The following TGDS variants were observed in gnomAD, a reference collection of about 807,000 sequenced individuals.
The protein encoded by TGDS is UDP-D-glucose 4,6-dehydratase.
Under a neutral mutation model 52.3 loss-of-function variants are expected in TGDS, and 47 were observed. The ratio of observed to expected loss-of-function variants is 0.90; its 90% CI spans 0.71 to 1.15. The LOEUF (loss-of-function observed/expected upper bound fraction) is 1.15. Among genes scored for constraint, TGDS ranks in the 50% most tolerant of loss-of-function variants. The pLI is 0.00. For synonymous variants in TGDS, 115 were observed against 136.9 expected (o/e 0.84, Z 1.12); for missense variants, 375 against 418.4 (o/e 0.90, Z 0.90).
At position 94,595,943 on chromosome 13, in the gene TGDS, A is replaced by G. The variant is rs529131252; in HGVS notation, c.86+108T>C. 2.6e-5 allele frequency: 33 copies of G among 1,267,314 alleles called. No individual in the cohort carries two copies. In the Middle Eastern group the frequency reaches 9.2e-4, roughly 35 times the overall value. 78.5% of individuals were successfully genotyped at this position (1,267,314 alleles called of 1,614,324 possible). On this transcript the variant is annotated intron_variant, in intron 1 of 11. Coordinates refer to ENST00000261296, the MANE Select transcript of TGDS (RefSeq NM_014305.4). ...GCATTAGGACCCTCCCCATATCAGA[A>G]TAAGGACCCCTCAAAGCTGGACCCA...
At position 94,583,042 on chromosome 13, in the gene TGDS, C is replaced by T. The variant is rs371479750; in HGVS notation, c.456+52G>A. 4.9e-5 allele frequency: 78 copies of T among 1,580,620 alleles called. No homozygotes were observed. In the East Asian group the frequency reaches 1.0e-3, roughly 20 times the overall value. ...AAAGCCCAGTGTAGGTTTAATAAAA[C>T]TGTATCATGGTACATGGTTAAGTAG... On this transcript the variant is annotated intron_variant, in intron 5 of 11. Transcript: ENST00000261296.
At chr13:94,594,619 A>C (rs1471117532) in intron 1 of TGDS, among the ~76,000 whole-genome samples, 2 of 152,158 alleles carry the variant, frequency 1.3e-5, no homozygotes, top group Non-Finnish European at 2.9e-5. Flanking sequence ...ATGAACTTGA[A>C]GTTTGTATTC....
intron 4 of TGDS, among the ~76,000 whole-genome samples, chr13:94,588,814 G>A (rs968126147): frequency 7.9e-5 from 12 of 152,122 alleles, no homozygotes; most frequent in Non-Finnish European, 1.5e-4. Context: ...AATATAGTGC[G>A]TAATCAGACA....
Position 94,576,296 on chromosome 13 carries a change from G to T in TGDS, c.982+18C>A. On this transcript the variant is annotated intron_variant, in intron 11 of 11. Transcript: ENST00000261296. ...AATTTTTCTGACTTGCCCCCAAAAT[G>T]ATTAATTCAAAACATACTTGTTTTC... 3 of 1,539,362 alleles carry T rather than the reference G, an allele frequency of 1.9e-6. No individual in the cohort carries two copies. The highest frequency in any genetic ancestry group is 2.5e-5 in the South Asian group (2 of 80,970).
At position 94,596,005 on chromosome 13, in the gene TGDS, G is replaced by A. The variant is rs776582106; in HGVS notation, c.86+46C>T. The A allele has an allele frequency of 3.7e-6, 6 of 1,608,764 alleles. No homozygotes were observed. In the East Asian group the frequency reaches 8.9e-5, roughly 24 times the overall value. On this transcript the variant is annotated intron_variant, in intron 1 of 11. Transcript: ENST00000261296. Reference sequence around the variant, plus strand: ...GCAAGCAGAGCTGCGGGAAAAGGTAGGGGTTTCTGGGGAGCCACTGCTTGG... The same window carrying A: ...GCAAGCAGAGCTGCGGGAAAAGGTAAGGGTTTCTGGGGAGCCACTGCTTGG...
At chr13:94,585,616 G>A (rs1012142743) in intron 4 of TGDS, among the ~76,000 whole-genome samples, 1 of 151,904 alleles carries the variant, frequency 6.6e-6, no homozygotes, top group Non-Finnish European at 1.5e-5. Flanking sequence ...TGGCCAACAT[G>A]GCAAAACCCC....
intron 5 of TGDS, 124 bp downstream of exon 5, chr13:94,582,970 A>C: frequency 1.0e-6 from 1 of 991,990 alleles, no homozygotes; most frequent in East Asian, 2.4e-5. Flanking sequence ...AGAGAACCCT[A>C]ATACACTCTG....
In TGDS at chr13:94,586,190, T is replaced by G. The variant is rs918606444; in HGVS notation, c.314-2954A>C. Among the ~76,000 whole-genome samples, 5 of 151,972 alleles carry G rather than the reference T, an allele frequency of 3.3e-5. No homozygotes were observed. In the East Asian group the frequency reaches 9.7e-4, roughly 29 times the overall value. On this transcript the variant is annotated intron_variant, in intron 4 of 11. Transcript: ENST00000261296. ...AATAAATCCAAATACAGCAACAAAC[T>G]AAACACTGAGGGCAAATGCCGAGGA...
At chr13:94,577,734 T>A (rs1461417930) in intron 9 of TGDS, among the ~76,000 whole-genome samples, 1 of 152,220 alleles carries the variant, frequency 6.6e-6, no homozygotes, top group Non-Finnish European at 1.5e-5. Flanking sequence ...ATATCACTGT[T>A]ACTTGTTTTA....
At chr13:94,588,859 C>T (rs1387880269) in intron 4 of TGDS, among the ~76,000 whole-genome samples, 2 of 151,976 alleles carry the variant, frequency 1.3e-5, no homozygotes, top group Non-Finnish European at 2.9e-5. Flanking sequence ...GACAGAGATA[C>T]AAAAATAAAC....
intron 1 of TGDS, chr13:94,595,831 C>T (rs533670504): frequency 6.6e-6 from 4 of 602,588 alleles, no homozygotes; most frequent in East Asian, 5.6e-5. Context: ...GAGAGTAACG[C>T]AGCTTTGGAA....
At chr13:94,584,328 T>C (rs1477337109) in intron 4 of TGDS, among the ~76,000 whole-genome samples, 1 of 152,188 alleles carries the variant, frequency 6.6e-6, no homozygotes, top group African/African-American at 2.4e-5. Flanking sequence ...CCTAATCCGA[T>C]CTACCTGGTG....
At chr13:94,592,202 C>T (rs767560452) in intron 3 of TGDS, 39 bp downstream of exon 3, 27 of 1,484,634 alleles carry the variant, frequency 1.8e-5, no homozygotes, top group Admixed American at 1.4e-4. Flanking sequence ...CTCTGCATGA[C>T]TAAAGAGGCA....
At chr13:94,592,457 A>G in intron 2 of TGDS, 148 bp from the exon 3 acceptor site, 2 of 620,800 alleles carry the variant, frequency 3.2e-6, no homozygotes, top group Non-Finnish European at 5.3e-6. Context: ...CTGTCTTTAC[A>G]CTACTTTTTT....
intron 10 of TGDS, 92 bp downstream of exon 10, chr13:94,577,279 A>C: frequency 1.1e-6 from 1 of 936,000 alleles, no homozygotes; most frequent in Non-Finnish European, 1.5e-6. Flanking sequence ...CAAAACAGAT[A>C]AACTAGTTAT....
chr13:94,596,048 T>C lies in TGDS; in HGVS notation c.86+3A>G, dbSNP rs1257509685. ...CTGCTTGGCTAGCGGCGCCATTACC[T>C]ACATGAAACCAGCACCGCCGGTCAC... On this transcript the variant is annotated splice_donor_region_variant and intron_variant, in intron 1 of 11. Transcript: ENST00000261296. 1.9e-6 allele frequency: 3 copies of C among 1,613,944 alleles called. No individual in the cohort carries two copies. Among genetic ancestry groups the C allele is most frequent in the Admixed American group, 1.7e-5 (1 of 59,998 alleles).
At chr13:94,586,495 C>T (rs1018483881) in intron 4 of TGDS, among the ~76,000 whole-genome samples, 3 of 152,140 alleles carry the variant, frequency 2.0e-5, no homozygotes, top group Non-Finnish European at 4.4e-5. Context: ...ACCAACTTAA[C>T]CTAATGGATG....
chr13:94,584,772 G>T (rs939036388), intron 4 of TGDS, among the ~76,000 whole-genome samples: 1 of 152,144 alleles, frequency 6.6e-6, no homozygotes, highest in Non-Finnish European at 1.5e-5. Context: ...AGACTGCTAA[G>T]GTCATGTCAA....
At chr13:94,576,929 C>T (rs538454250) in intron 10 of TGDS, among the ~76,000 whole-genome samples, 3 of 152,096 alleles carry the variant, frequency 2.0e-5, no homozygotes, top group South Asian at 4.2e-4. Flanking sequence ...GGTGCAAACC[C>T]GTCTCTACTA....
Sources: allele counts gnomAD v4.1 joint callset (sites outside exome capture counted in the v4.1 genomes callset), GRCh38; gene constraint gnomAD v4.1.1; transcripts MANE v1.5; gene names NCBI Gene and HGNC (gene_info 2026-07-23, HGNC 2026-07-21).